Variants in MBD5 observed in about 807,000 individuals in gnomAD.
MBD5 encodes the protein methyl-CpG binding domain protein 5, also known as methyl-CpG-binding domain protein 5.
Under a neutral mutation model 117.3 loss-of-function variants are expected in MBD5, and 13 were observed. The ratio of observed to expected loss-of-function variants is 0.11; its 90% CI spans 0.07 to 0.18. MBD5 has a LOEUF of 0.18. Among genes scored for constraint, MBD5 ranks in the 10% least tolerant of loss-of-function variants. The pLI is 1.00. For synonymous variants in MBD5, 727 were observed against 766.4 expected (o/e 0.95, Z 0.85); for missense variants, 1,879 against 2,093.8 (o/e 0.90, Z 2.00).
chr2:148,260,145 T>C (rs540586612), intron 3 of MBD5, among the ~76,000 whole-genome samples: 2 of 152,344 alleles, frequency 1.3e-5, no homozygotes, highest in East Asian at 3.9e-4. Flanking sequence ...AAATGCAGTT[T>C]GATAGAATTT....
intron 1 of MBD5, among the ~76,000 whole-genome samples, chr2:148,157,435 C>A (rs1022830492): frequency 2.6e-5 from 4 of 152,204 alleles, no homozygotes; most frequent in Admixed American, 2.6e-4. Flanking sequence ...GTTGTCTTCT[C>A]CAAAGTGAGT....
At chr2:148,298,029 A>G (rs1487613957) in intron 3 of MBD5, among the ~76,000 whole-genome samples, 1 of 152,236 alleles carries the variant, frequency 6.6e-6, no homozygotes, top group African/African-American at 2.4e-5. Flanking sequence ...TTTTATGAGC[A>G]GAGCAGTGTG....
intron 1 of MBD5, among the ~76,000 whole-genome samples, chr2:148,022,500 G>C (rs974204974): frequency 8.6e-5 from 13 of 151,866 alleles, no homozygotes; most frequent in African/African-American, 3.1e-4. Context: ...AATTAATCTG[G>C]GTATATTTGT....
At chr2:148,285,804 C>T (rs1037500941) in intron 3 of MBD5, among the ~76,000 whole-genome samples, 3 of 152,120 alleles carry the variant, frequency 2.0e-5, no homozygotes, top group Non-Finnish European at 4.4e-5. Context: ...AGCCATCCAC[C>T]CACCTTGGCC....
chr2:148,351,729 C>T (rs187575000), intron 4 of MBD5, among the ~76,000 whole-genome samples: 1 of 152,118 alleles, frequency 6.6e-6, no homozygotes. Flanking sequence ...AGCACCTGGA[C>T]CCTAATCCCA....
intron 1 of MBD5, among the ~76,000 whole-genome samples, chr2:148,142,117 C>T (rs1697333123): frequency 1.3e-5 from 2 of 152,050 alleles, no homozygotes; most frequent in Admixed American, 1.3e-4. Flanking sequence ...ACTGAGAAGG[C>T]CTATCGTATT....
At chr2:148,371,485 T>G (rs1245575822) in intron 4 of MBD5, among the ~76,000 whole-genome samples, 2 of 152,176 alleles carry the variant, frequency 1.3e-5, no homozygotes, top group East Asian at 3.8e-4. Context: ...AAAGTTACAC[T>G]GTATCAACAA....
Position 148,463,914 on chromosome 2 carries a change from G to A in MBD5, c.392G>A (p.Gly131Glu). 6.2e-7 allele frequency: 1 copy of A among 1,613,388 alleles called. No homozygotes were observed. Residue 131 changes from glycine to glutamate, a missense_variant, in exon 7 of 14, where the codon GGA becomes GAA. This residue lies in a region of MBD5 where 1,666 missense variants were observed against 1,792.2 expected (regional missense o/e 0.93). Transcript: ENST00000642680. ...PSLVLTSPGG[G>E]TNATPVVPSR... ...CTGGTGCTCACCAGTCCCGGAGGAGGAACAAGTATGTAATATGGTGAAAGG... is the reference window on the plus strand; with the variant it reads ...CTGGTGCTCACCAGTCCCGGAGGAGAAACAAGTATGTAATATGGTGAAAGG...
intron 4 of MBD5, among the ~76,000 whole-genome samples, chr2:148,353,900 A>G (rs1028119515): frequency 2.0e-5 from 3 of 151,894 alleles, no homozygotes; most frequent in Non-Finnish European, 4.4e-5. Context: ...TTTTATCTCT[A>G]TTTTTAGTTT....
At chr2:148,496,340 C>G (rs1681701065) in intron 11 of MBD5, among the ~76,000 whole-genome samples, 2 of 152,094 alleles carry the variant, frequency 1.3e-5, no homozygotes, top group South Asian at 4.2e-4. Flanking sequence ...AAATGAAGAA[C>G]TAGCAAAGAC....
intron 1 of MBD5, among the ~76,000 whole-genome samples, chr2:148,147,337 G>C (rs1472433507): frequency 6.6e-6 from 1 of 151,814 alleles, no homozygotes; most frequent in East Asian, 1.9e-4. Context: ...CTGCCTCCTA[G>C]ATTCAAGCGA....
In MBD5 at chr2:148,442,937, A is replaced by G. The variant is rs901706574; in HGVS notation, c.-556-15266A>G. ...AAAGCTTCTGTACAACCAAGAAAAC[A>G]ATCAACAAAGTGAAGAGACAACCCA... On this transcript the variant is annotated intron_variant, in intron 4 of 13. Coordinates refer to ENST00000642680, the MANE Select transcript of MBD5 (RefSeq NM_001378120.1). Among the ~76,000 whole-genome samples, 12 of 151,504 alleles carry G rather than the reference A, an allele frequency of 7.9e-5. 1 individual carries two copies. Among genetic ancestry groups the G allele is most frequent in the African/African-American group, 2.9e-4 (12 of 40,822 alleles).
intron 3 of MBD5, among the ~76,000 whole-genome samples, chr2:148,292,170 G>A (rs559202532): frequency 6.6e-6 from 1 of 152,274 alleles, no homozygotes; most frequent in South Asian, 2.1e-4. Flanking sequence ...TATTTCTTGA[G>A]CAACACCCCA....
chr2:148,479,378 C>A (rs944479115), intron 8 of MBD5, among the ~76,000 whole-genome samples: 1 of 152,124 alleles, frequency 6.6e-6, no homozygotes, highest in South Asian at 2.1e-4. Flanking sequence ...ACAAACACAC[C>A]AACACATAGC....
chr2:148,458,389 TACA>T lies in MBD5; in HGVS notation c.-366_-364del, dbSNP rs1706949185. On this transcript the variant is annotated 5_prime_UTR_variant, in exon 5 of 14. Coordinates refer to ENST00000642680, the MANE Select transcript of MBD5 (RefSeq NM_001378120.1). ...TTCTAAACAATAGAGATTGTCTTAG[TACA>T]ACATCAAGGTTCAAGACAAATGTTG... is the stretch of plus-strand genomic sequence containing the variant. The T allele has an allele frequency of 3.8e-6, 2 of 521,290 alleles. No homozygotes were observed. Among genetic ancestry groups the T allele is most frequent in the East Asian group, 5.8e-5 (2 of 34,740 alleles). 32.3% of individuals were successfully genotyped at this position (521,290 alleles called of 1,614,324 possible). A position where few individuals can be genotyped will look rare whatever the true frequency, so the allele number is the denominator to read the frequency against.
chr2:148,283,576 C>T (rs750389188), intron 3 of MBD5, among the ~76,000 whole-genome samples: 7 of 152,110 alleles, frequency 4.6e-5, no homozygotes, highest in Non-Finnish European at 1.0e-4. Flanking sequence ...TTATTACATA[C>T]CTGTAGTGGA....
At chr2:148,318,471 C>T (rs922292736) in intron 3 of MBD5, among the ~76,000 whole-genome samples, 7 of 151,566 alleles carry the variant, frequency 4.6e-5, no homozygotes, top group African/African-American at 7.3e-5. Context: ...TAATTTAGTC[C>T]TATTTGTCTA....
intron 3 of MBD5, among the ~76,000 whole-genome samples, chr2:148,312,651 G>A (rs966938829): frequency 7.2e-5 from 11 of 152,192 alleles, no homozygotes; most frequent in Admixed American, 2.0e-4. Flanking sequence ...GCCTACTTCC[G>A]TCAATTTGTC....
chr2:148,463,642 T>A, intron 6 of MBD5, 97 bp from the exon 7 acceptor site: 1 of 1,392,026 alleles, frequency 7.2e-7, no homozygotes, highest in South Asian at 1.2e-5. Context: ...TTCAGATTTA[T>A]GGCTTAATCT....
Sources: allele counts gnomAD v4.1 joint callset (sites outside exome capture counted in the v4.1 genomes callset), GRCh38; gene constraint gnomAD v4.1.1; regional missense constraint gnomAD v4.1.1; transcripts MANE v1.5; gene names NCBI Gene and HGNC (gene_info 2026-07-23, HGNC 2026-07-21).